The following NNT variants were observed in gnomAD, a reference collection of about 807,000 sequenced individuals.
NNT encodes the protein NAD(P) transhydrogenase, mitochondrial.
A neutral mutation model predicts 104.8 loss-of-function variants in NNT; 50 were observed. The observed-to-expected ratio is 0.48, with a 90% confidence interval of 0.38 to 0.60. The LOEUF is 0.60. Among genes scored for constraint, NNT ranks in the 20% least tolerant of loss-of-function variants. The pLI is 0.00. For missense variants in NNT, 1,131 were observed against 1,330.7 expected (o/e 0.85, Z 2.33); for synonymous variants, 461 against 490.4 (o/e 0.94, Z 0.79).
At position 43,677,399 on chromosome 5, in the gene NNT, T is replaced by TGA. The variant is rs111577191; in HGVS notation, c.2795-299_2795-298dup. Among the ~76,000 whole-genome samples the TGA allele has an allele frequency of 9.3e-3, 1,283 of 138,642 alleles. 13 individuals carry two copies. Among genetic ancestry groups the TGA allele is most frequent in the East Asian group, 0.054 (256 of 4,720 alleles). 91.0% of individuals were successfully genotyped at this position (138,642 alleles called of 152,430 possible). A position where few individuals can be genotyped will look rare whatever the true frequency, so the allele number is the denominator to read the frequency against. On this transcript the variant is annotated intron_variant, in intron 18 of 21. Coordinates refer to ENST00000344920, the MANE Select transcript of NNT (RefSeq NM_182977.3). ...CAAGTATGAAGAGAGTTTAAAAACA[T>TGA]GAGAGAGAGAGAGAGAGAGAGAGAG...
chr5:43,672,678 G>A (rs946803587), intron 17 of NNT, among the ~76,000 whole-genome samples: 4 of 152,206 alleles, frequency 2.6e-5, no homozygotes, highest in African/African-American at 9.7e-5. Context: ...GCCATGTGAG[G>A]TGTCAGTCTG....
At chr5:43,651,985 A>G (rs1739793754) in intron 13 of NNT, 101 bp downstream of exon 13, 1 of 1,259,834 alleles carries the variant, frequency 7.9e-7, no homozygotes, top group Non-Finnish European at 1.1e-6. Flanking sequence ...GAGCAAATAC[A>G]ACTCTGTCAA....
At chr5:43,697,541 C>T (rs1414309299) in intron 19 of NNT, among the ~76,000 whole-genome samples, 1 of 152,162 alleles carries the variant, frequency 6.6e-6, no homozygotes, top group Non-Finnish European at 1.5e-5. Flanking sequence ...TTCAGCAGCA[C>T]CTTACACCCA....
intron 10 of NNT, among the ~76,000 whole-genome samples, chr5:43,646,635 C>G (rs1048602059): frequency 6.6e-6 from 1 of 151,882 alleles, no homozygotes; most frequent in Non-Finnish European, 1.5e-5. Context: ...GTGTTAAATG[C>G]GTATAAATAT....
In NNT at chr5:43,681,293, A is replaced by AT. The variant is rs971622670; in HGVS notation, c.2876+3494dup. ...AAAAAAAAAAAAAGAAAGGGGTAGA[A>AT]TTTTTTTATTATAATTACTGCTTGA... On this transcript the variant is annotated intron_variant, in intron 19 of 21. Coordinates refer to ENST00000344920, the MANE Select transcript of NNT (RefSeq NM_182977.3). Among the ~76,000 whole-genome samples, 3 of 151,406 alleles carry AT rather than the reference A, an allele frequency of 2.0e-5. No homozygotes were observed. The South Asian group carries it at 6.3e-4, about 32-fold the overall frequency.
chr5:43,672,222 G>A (rs1444743488), intron 17 of NNT, among the ~76,000 whole-genome samples: 3 of 152,072 alleles, frequency 2.0e-5, no homozygotes, highest in Non-Finnish European at 4.4e-5. Context: ...TTTTGTGATG[G>A]GTTCAAACTT....
intron 7 of NNT, among the ~76,000 whole-genome samples, chr5:43,632,194 G>C (rs369719178): frequency 6.6e-6 from 1 of 152,122 alleles, no homozygotes; most frequent in African/African-American, 2.4e-5. Context: ...GCCTTTGCCT[G>C]GGTCCCCTGA....
chr5:43,642,584 A>G (rs1751295129), intron 7 of NNT, among the ~76,000 whole-genome samples: 1 of 152,180 alleles, frequency 6.6e-6, no homozygotes, highest in Non-Finnish European at 1.5e-5. Context: ...GAGATCTTAT[A>G]ACAAATCATG....
intron 12 of NNT, 66 bp downstream of exon 12, chr5:43,650,653 A>G (rs777257868): frequency 3.3e-6 from 4 of 1,215,210 alleles, no homozygotes; most frequent in South Asian, 1.3e-5. Context: ...ATATAAATCC[A>G]TATAAAATAG....
intron 17 of NNT, among the ~76,000 whole-genome samples, chr5:43,671,637 TTCTGCTGAGAGA>T (rs1298955427): frequency 6.6e-6 from 1 of 152,252 alleles, no homozygotes; most frequent in East Asian, 1.9e-4. Context: ...CTTGTAGAGT[TTCTGCTGAGAGA>T]TCAGCTGTTA....
At chr5:43,682,911 A>T (rs1741797585) in intron 19 of NNT, among the ~76,000 whole-genome samples, 1 of 152,216 alleles carries the variant, frequency 6.6e-6, no homozygotes, top group Non-Finnish European at 1.5e-5. Context: ...TAATTAATTG[A>T]TTAATTAATA....
intron 17 of NNT, among the ~76,000 whole-genome samples, chr5:43,665,893 G>T (rs920881080): frequency 6.6e-6 from 1 of 151,786 alleles, no homozygotes; most frequent in Non-Finnish European, 1.5e-5. Context: ...GCCGGGCGGA[G>T]ATGCTCCTCA....
chr5:43,614,374 G>A (rs933230732), intron 3 of NNT, among the ~76,000 whole-genome samples: 29 of 152,162 alleles, frequency 1.9e-4, no homozygotes, highest in African/African-American at 6.5e-4. Context: ...CCTGAGGAGC[G>A]CATTCAGGGA....
At chr5:43,675,450 T>C in intron 17 of NNT, 61 bp from the exon 18 acceptor site, 1 of 1,421,138 alleles carries the variant, frequency 7.0e-7, no homozygotes, top group East Asian at 2.4e-5. Context: ...ACACAACATT[T>C]GTACTATTCT....
rs1442564705 is a variant in NNT, at chr5:43,704,316, ACAAACCTAACAC to A, written c.3174_3185del (p.Tyr1058_Thr1062delinsTer). ...GCTGCAGTGGACAATCCAATCTTCT[ACAAACCTAACAC>A]GGCCATGCTTCTAGGTGATGCCAAG... On this transcript the variant is annotated stop_gained and inframe_deletion, in exon 22 of 22. Coordinates refer to ENST00000344920, the MANE Select transcript of NNT (RefSeq NM_182977.3). LOFTEE classifies it high-confidence loss of function. 2 of 1,611,420 alleles carry A rather than the reference ACAAACCTAACAC, an allele frequency of 1.2e-6. No individual in the cohort carries two copies.
Position 43,702,641 on chromosome 5 carries a change from A to G in NNT, c.3016A>G (p.Ile1006Val), listed in dbSNP as rs1426843487. ...DFPDTDLVLV[I>V]GANDTVNSAA... ...TATAGATACTGATTTGGTCCTTGTA[A>G]TTGGAGCTAATGACACTGTTAATTC... Residue 1006 changes from isoleucine (I) to valine (V), a missense_variant, in exon 21 of 22, where the codon ATT becomes GTT. Physicochemically the swap from Ile to Val is conservative, Grantham distance 29 (BLOSUM62 3). Coordinates refer to ENST00000344920, the MANE Select transcript of NNT (RefSeq NM_182977.3). The G allele has an allele frequency of 1.2e-6, 2 of 1,610,328 alleles. No individual in the cohort carries two copies. The highest frequency in any genetic ancestry group is 1.7e-6 in the Non-Finnish European group (2 of 1,177,916).
Position 43,609,337 on chromosome 5 carries a change from G to A in NNT, c.142G>A (p.Val48Ile), listed in dbSNP as rs1209884046. 1.2e-6 allele frequency: 2 copies of A among 1,613,706 alleles called. No individual in the cohort carries two copies. Among genetic ancestry groups the A allele is most frequent in the Non-Finnish European group, 1.7e-6 (2 of 1,179,786 alleles). Residue 48 changes from valine to isoleucine, a missense_variant, in exon 2 of 22, where the codon GTA becomes ATA. Coordinates refer to ENST00000344920, the MANE Select transcript of NNT (RefSeq NM_182977.3). ...CCAAGAACTGTGGTGTAAAGCGCCT[G>A]TAAAACCAGGTAAAGTCTCACTTCA... ...THQELWCKAP[V>I]KPGIPYKQLT...
At chr5:43,667,214 G>C in intron 17 of NNT, 2 of 1,270,862 alleles carry the variant, frequency 1.6e-6, no homozygotes, top group Non-Finnish European at 2.3e-6. Context: ...TGTGTAGTGT[G>C]GTTCTTGGAC....
intron 1 of NNT, among the ~76,000 whole-genome samples, chr5:43,605,625 A>G (rs1749181988): frequency 6.6e-6 from 1 of 151,294 alleles, no homozygotes. Context: ...GAACACATGG[A>G]TAAATGAGAG....
Sources: allele counts gnomAD v4.1 joint callset (sites outside exome capture counted in the v4.1 genomes callset), GRCh38; gene constraint gnomAD v4.1.1; transcripts MANE v1.5; gene names NCBI Gene and HGNC (gene_info 2026-07-23, HGNC 2026-07-21).